The following MGAT4D variants were observed in gnomAD, a reference collection of about 807,000 sequenced individuals.
The protein encoded by MGAT4D is alpha-1,3-mannosyl-glycoprotein 4-beta-N-acetylglucosaminyltransferase-like protein MGAT4D.
MGAT4D carries 34 observed loss-of-function variants against 15.9 expected under a neutral mutation model. The ratio of observed to expected loss-of-function variants is 2.14; its 90% confidence interval spans 1.62 to 2.84. The LOEUF (loss-of-function observed/expected upper bound fraction) is 2.84. Among genes scored for constraint, MGAT4D ranks in the 30% most tolerant of loss-of-function variants. The pLI is 0.00. For missense variants in MGAT4D, 327 were observed against 140.2 expected (o/e 2.33, Z -6.73); for synonymous variants, 112 against 48.2 (o/e 2.33, Z -5.49).
At chr4:140,471,335 C>T (rs1731948277) in intron 5 of MGAT4D, among the ~76,000 whole-genome samples, 1 of 149,414 alleles carries the variant, frequency 6.7e-6, no homozygotes. Flanking sequence ...CCTATTTGAA[C>T]TTAGGATTTG....
At chr4:140,447,877 G>T (rs1049992155) in intron 10 of MGAT4D, among the ~76,000 whole-genome samples, 3 of 152,176 alleles carry the variant, frequency 2.0e-5, no homozygotes, top group African/African-American at 4.8e-5. Context: ...CTCCTTTCAG[G>T]AGGTTTTGTA....
chr4:140,451,661 A>T (rs1730480841), intron 9 of MGAT4D, 144 bp from the exon 10 acceptor site: 1 of 380,130 alleles, frequency 2.6e-6, no homozygotes, highest in Non-Finnish European at 4.7e-6. Context: ...TTTAATTCTT[A>T]GCTTTTTCTT....
intron 10 of MGAT4D, among the ~76,000 whole-genome samples, chr4:140,449,156 CTTTCT>C (rs1364817751): frequency 2.0e-5 from 3 of 152,136 alleles, no homozygotes; most frequent in Admixed American, 6.5e-5. Flanking sequence ...AAGCAAAAAA[CTTTCT>C]TTTAAGTTTT....
chr4:140,482,245 T>C (rs1232457132), intron 2 of MGAT4D, 82 bp downstream of exon 2: 8 of 552,140 alleles, frequency 1.4e-5, no homozygotes, highest in South Asian at 2.5e-5. Flanking sequence ...GTTAAGTTTA[T>C]AGAGAGAAGA....
chr4:140,487,953 T>C (rs1733252424), intron 1 of MGAT4D, among the ~76,000 whole-genome samples: 1 of 152,170 alleles, frequency 6.6e-6, no homozygotes, highest in Middle Eastern at 3.2e-3. Context: ...GACAATCAGA[T>C]TGTGCATTTT....
intron 3 of MGAT4D, among the ~76,000 whole-genome samples, chr4:140,477,037 C>T (rs1354286036): frequency 6.6e-6 from 1 of 152,040 alleles, no homozygotes; most frequent in Non-Finnish European, 1.5e-5. Flanking sequence ...TATTATTTGG[C>T]CTGTGTCCAT....
rs977630089 is a variant in MGAT4D, at chr4:140,446,402, T to C, written c.1117-2958A>G. The stretch of plus-strand genomic sequence containing the variant: ...TCTTCCTGGTTAAGTCTTCAGAGAG[T>C]GTATGTATCCAGGAATTTATCCACT... On this transcript the variant is annotated intron_variant, in intron 10 of 10. Transcript: ENST00000511113. Among the ~76,000 whole-genome samples, 11 of 152,296 alleles carry C rather than the reference T, an allele frequency of 7.2e-5. No individual in the cohort carries two copies. In the South Asian group the frequency reaches 1.9e-3, roughly 26 times the overall value.
At chr4:140,449,634 C>A (rs1730346452) in intron 10 of MGAT4D, among the ~76,000 whole-genome samples, 1 of 152,128 alleles carries the variant, frequency 6.6e-6, no homozygotes, top group South Asian at 2.1e-4. Context: ...GTGGTGGCCA[C>A]CTGTAGTCCC....
At chr4:140,480,857 GC>G (rs1732669691) in intron 2 of MGAT4D, among the ~76,000 whole-genome samples, 1 of 152,118 alleles carries the variant, frequency 6.6e-6, no homozygotes, top group Non-Finnish European at 1.5e-5. Context: ...GATCCCTTGA[GC>G]TCAGGAGGTG....
At position 140,461,322 on chromosome 4, in the gene MGAT4D, T is replaced by C. The variant is rs548200891; in HGVS notation, c.762+607A>G. Among the ~76,000 whole-genome samples the C allele has an allele frequency of 8.5e-5, 13 of 152,320 alleles. No individual in the cohort carries two copies. The South Asian group carries it at 2.7e-3, about 32-fold the overall frequency. Reference sequence around the variant, plus strand: ...CCTTTCTCTAACTTTCTCTCTAGTCTACAACTCTCTTCTGCAAATTCTTTG... The same window carrying C: ...CCTTTCTCTAACTTTCTCTCTAGTCCACAACTCTCTTCTGCAAATTCTTTG... On this transcript the variant is annotated intron_variant, in intron 7 of 10. Transcript: ENST00000511113.
At chr4:140,483,172 C>G (rs1241049) in intron 1 of MGAT4D, among the ~76,000 whole-genome samples, 1 of 152,188 alleles carries the variant, frequency 6.6e-6, no homozygotes, top group South Asian at 2.1e-4. Context: ...AGATGTAGTG[C>G]TGATGCACAT....
intron 5 of MGAT4D, among the ~76,000 whole-genome samples, chr4:140,470,589 C>T (rs917638767): frequency 2.0e-5 from 3 of 152,194 alleles, no homozygotes; most frequent in Admixed American, 1.3e-4. Flanking sequence ...AGTCCTTCCG[C>T]CTTAACTCCA....
chr4:140,478,614 T>C (rs2126810007), intron 3 of MGAT4D, among the ~76,000 whole-genome samples: 1 of 152,252 alleles, frequency 6.6e-6, no homozygotes, highest in Middle Eastern at 3.4e-3. Context: ...TTGCATTGGA[T>C]TGTGAAGATT....
chr4:140,459,281 T>C, intron 8 of MGAT4D: 1 of 227,510 alleles, frequency 4.4e-6, no homozygotes. Context: ...TTTCTATGAC[T>C]TATGTGTCTA....
intron 10 of MGAT4D, among the ~76,000 whole-genome samples, chr4:140,446,743 G>GTTTTTTTTTTTT (rs149442061): frequency 1.2e-4 from 1 of 8,170 alleles, no homozygotes; most frequent in Non-Finnish European, 2.2e-4. Flanking sequence ...TGCTTCTCTA[G>GTTTTTTTTTTTT]TTTTTTTTTT....
intron 1 of MGAT4D, among the ~76,000 whole-genome samples, chr4:140,485,501 T>C (rs1733050645): frequency 6.6e-6 from 1 of 151,928 alleles, no homozygotes; most frequent in Non-Finnish European, 1.5e-5. Flanking sequence ...TGTATACATA[T>C]GTAACTAACC....
chr4:140,495,232 C>T (rs1324224090), intron 1 of MGAT4D, among the ~76,000 whole-genome samples: 2 of 152,218 alleles, frequency 1.3e-5, no homozygotes, highest in African/African-American at 2.4e-5. Flanking sequence ...ACACATGATG[C>T]TTCCTCGTTT....
intron 1 of MGAT4D, among the ~76,000 whole-genome samples, chr4:140,497,309 T>C (rs987837121): frequency 7.2e-5 from 11 of 152,338 alleles, no homozygotes; most frequent in Non-Finnish European, 1.6e-4. Context: ...ACTTGAATGC[T>C]AAAATTTTAC....
At chr4:140,464,482 C>A (rs1731397212) in intron 6 of MGAT4D, among the ~76,000 whole-genome samples, 1 of 152,158 alleles carries the variant, frequency 6.6e-6, no homozygotes, top group South Asian at 2.1e-4. Flanking sequence ...CCTACAATGA[C>A]CAGCAAACAG....
Sources: allele counts gnomAD v4.1 joint callset (sites outside exome capture counted in the v4.1 genomes callset), GRCh38; gene constraint gnomAD v4.1.1; transcripts MANE v1.5; gene names NCBI Gene and HGNC (gene_info 2026-07-23, HGNC 2026-07-21).